Variants in LPA observed in about 807,000 individuals in gnomAD.
LPA encodes apolipoprotein(a).
Under a neutral mutation model 197.9 loss-of-function variants are expected in LPA, and 199 were observed. The ratio of observed to expected loss-of-function variants is 1.01; its 90% CI spans 0.90 to 1.13. The LOEUF (loss-of-function observed/expected upper bound fraction) is 1.13, where lower values mean the gene tolerates loss of function less well. Among genes scored for constraint, LPA ranks in the 50% most tolerant of loss-of-function variants. The pLI, the probability that LPA is intolerant of heterozygous loss-of-function variation, is 0.00. For synonymous variants in LPA, 715 were observed against 639.5 expected (o/e 1.12, Z -1.78); for missense variants, 1,853 against 1,785.8 (o/e 1.04, Z -0.68).
At chr6:160,550,746 G>A (rs193182562) in intron 30 of LPA, among the ~76,000 whole-genome samples, 1 of 152,276 alleles carries the variant, frequency 6.6e-6, no homozygotes, top group Admixed American at 6.5e-5. Context: ...CCAGAAATTA[G>A]TTTTACCTTT....
Position 160,585,045 on chromosome 6 carries a change from C to A in LPA, c.4289+1G>T, listed in dbSNP as rs41272114. 5 of 1,613,316 alleles carry A rather than the reference C, an allele frequency of 3.1e-6. No individual in the cohort carries two copies. The East Asian group carries it at 1.1e-4, about 36-fold the overall frequency. ...TTTTATGGCTAACATGATAGACATA[C>A]GCATTTGGATAGTATAATGGGATCC... is the stretch of plus-strand genomic sequence containing the variant. On this transcript the variant is annotated splice_donor_variant, in intron 26 of 38. Coordinates refer to ENST00000316300, the MANE Select transcript of LPA (RefSeq NM_005577.4). LOFTEE classifies it high-confidence loss of function.
At chr6:160,601,464 C>G (rs1470004109) in intron 18 of LPA, among the ~76,000 whole-genome samples, 1 of 152,146 alleles carries the variant, frequency 6.6e-6, no homozygotes, top group Non-Finnish European at 1.5e-5. Flanking sequence ...ATTGGTTATG[C>G]ACATACAAAA....
Position 160,650,329 on chromosome 6 carries a change from A to G in LPA, c.209+9T>C. On this transcript the variant is annotated intron_variant, in intron 2 of 38. Transcript: ENST00000316300. The stretch of plus-strand genomic sequence containing the variant: ...CCTTGTTTTGCTTACTGTAAGATTA[A>G]TGACATACGCATTTGGGTAGTTTTC... The G allele has an allele frequency of 1.2e-6, 2 of 1,612,836 alleles. No individual in the cohort carries two copies. Among genetic ancestry groups the G allele is most frequent in the Non-Finnish European group, 1.7e-6 (2 of 1,179,498 alleles).
intron 29 of LPA, 39 bp downstream of exon 29, chr6:160,557,351 A>G (rs758309878): frequency 1.2e-5 from 19 of 1,608,528 alleles, no homozygotes; most frequent in South Asian, 4.4e-5. Context: ...TTTCATCCCA[A>G]TGTTCAAATG....
intron 1 of LPA, among the ~76,000 whole-genome samples, chr6:160,650,873 G>C (rs1779993300): frequency 2.0e-5 from 3 of 152,138 alleles, no homozygotes; most frequent in Non-Finnish European, 2.9e-5. Context: ...TGGGCTGTCA[G>C]GGTCAAATAT....
chr6:160,558,217 C>T (rs903551845), intron 28 of LPA, among the ~76,000 whole-genome samples: 1 of 152,094 alleles, frequency 6.6e-6, no homozygotes, highest in Non-Finnish European at 1.5e-5. Context: ...CTGCGCCTGG[C>T]CTTAGATTTT....
At chr6:160,634,727 G>C (rs539818671) in intron 7 of LPA, among the ~76,000 whole-genome samples, 1 of 152,040 alleles carries the variant, frequency 6.6e-6, no homozygotes, top group East Asian at 1.9e-4. Flanking sequence ...CACATTTTTT[G>C]AAATCTGCAA....
chr6:160,595,919 G>T (rs1583606836), intron 20 of LPA, among the ~76,000 whole-genome samples: 1 of 152,136 alleles, frequency 6.6e-6, no homozygotes, highest in Non-Finnish European at 1.5e-5. Context: ...TCCACCTTCT[G>T]TGAAATATGT....
Position 160,531,663 on chromosome 6 carries a change from A to C in LPA, c.*66T>G. Reference sequence around the variant, plus strand: ...TTGATTGCTGTCTATTATTTCCAGCATGCTAAATCCTTACCCACGTTTCAG... The same window carrying C: ...TTGATTGCTGTCTATTATTTCCAGCCTGCTAAATCCTTACCCACGTTTCAG... On this transcript the variant is annotated 3_prime_UTR_variant, in exon 39 of 39. Coordinates refer to ENST00000316300, the MANE Select transcript of LPA (RefSeq NM_005577.4). 2 of 1,590,038 alleles carry C rather than the reference A, an allele frequency of 1.3e-6. No individual in the cohort carries two copies. Among genetic ancestry groups the C allele is most frequent in the Admixed American group, 1.7e-5 (1 of 59,920 alleles).
At position 160,557,512 on chromosome 6, in the gene LPA, G is replaced by A. The variant is rs780910847; in HGVS notation, c.4691C>T (p.Thr1564Ile). ...PDSGKQPWCY[T>I]TDPCVRWEYC... ...CTCCCACCTCACACACGGATCGGTTGTGTAACACCAGGGTTGTTTCCCAGA... is the reference window on the plus strand; with the variant it reads ...CTCCCACCTCACACACGGATCGGTTATGTAACACCAGGGTTGTTTCCCAGA... Residue 1564 changes from threonine (T) to isoleucine (I), a missense_variant, in exon 29 of 39, where the codon ACA (threonine) becomes ATA (isoleucine). Physicochemically the swap from Thr to Ile is moderately conservative, Grantham distance 89. Transcript: ENST00000316300. 3.2e-5 allele frequency: 52 copies of A among 1,613,978 alleles called. No individual in the cohort carries two copies. The highest frequency in any genetic ancestry group is 6.7e-5 in the Admixed American group (4 of 59,994).
chr6:160,540,101 C>T lies in LPA; in HGVS notation c.5677G>A (p.Val1893Met). The T allele has an allele frequency of 6.2e-7, 1 of 1,614,136 alleles. No individual in the cohort carries two copies. Among genetic ancestry groups the T allele is most frequent in the Non-Finnish European group, 8.5e-7 (1 of 1,180,028 alleles). ...GTGGGCTCCAAGAACAGCCTAGACACTTCTATTTCCTGAACATGAGATTCG... is the reference window on the plus strand; with the variant it reads ...GTGGGCTCCAAGAACAGCCTAGACATTTCTATTTCCTGAACATGAGATTCG... The part of the protein sequence containing the change: ...NLESHVQEIE[V>M]SRLFLEPTQA... Residue 1893 changes from valine (V) to methionine (M), a missense_variant, in exon 36 of 39, where the codon GTG becomes ATG. Transcript: ENST00000316300.
chr6:160,572,564 T>C (rs964392143), intron 28 of LPA, among the ~76,000 whole-genome samples: 1 of 152,364 alleles, frequency 6.6e-6, no homozygotes, highest in East Asian at 1.9e-4. Context: ...TTTCAAGATT[T>C]AGAGCTCCTT....
chr6:160,650,565 T>C, intron 1 of LPA, 68 bp from the exon 2 acceptor site: 3 of 1,494,330 alleles, frequency 2.0e-6, no homozygotes, highest in South Asian at 1.1e-5. Flanking sequence ...AAGTCATTTA[T>C]GACACAAACA....
At chr6:160,651,723 A>G (rs1780008712) in intron 1 of LPA, among the ~76,000 whole-genome samples, 1 of 152,168 alleles carries the variant, frequency 6.6e-6, no homozygotes, top group Admixed American at 6.5e-5. Context: ...AAAAGACACC[A>G]TCTGGAAACT....
intron 23 of LPA, 112 bp downstream of exon 23, chr6:160,590,832 A>T: frequency 7.0e-7 from 1 of 1,434,072 alleles, no homozygotes. Flanking sequence ...GCTGACCCTG[A>T]GTCCACATTC....
At chr6:160,599,745 A>G in intron 19 of LPA, 86 bp from the exon 20 acceptor site, 1 of 1,442,368 alleles carries the variant, frequency 6.9e-7, no homozygotes, top group Non-Finnish European at 9.7e-7. Context: ...ACCAAAAAAG[A>G]GTCACTGAGA....
chr6:160,593,067 C>T (rs1356525047), intron 22 of LPA, among the ~76,000 whole-genome samples: 1 of 152,152 alleles, frequency 6.6e-6, no homozygotes, highest in East Asian at 1.9e-4. Context: ...ATTCTTGGAG[C>T]TCCTTTCCTC....
chr6:160,611,450 C>A (rs541029006), intron 16 of LPA, 112 bp downstream of exon 16: 40 of 1,533,842 alleles, frequency 2.6e-5, no homozygotes, highest in African/African-American at 6.8e-5. Flanking sequence ...TTTTGCTACA[C>A]CATCTGAATC....
At chr6:160,566,732 G>A (rs1778461919) in intron 28 of LPA, among the ~76,000 whole-genome samples, 1 of 152,192 alleles carries the variant, frequency 6.6e-6, no homozygotes, top group Admixed American at 6.5e-5. Context: ...TCAGTGTGCT[G>A]TATTCTGAAG....
Sources: allele counts gnomAD v4.1 joint callset (sites outside exome capture counted in the v4.1 genomes callset), GRCh38; gene constraint gnomAD v4.1.1; transcripts MANE v1.5; gene names NCBI Gene and HGNC (gene_info 2026-07-23, HGNC 2026-07-21).